Variants in EIF3E observed in about 807,000 individuals in gnomAD.
EIF3E encodes eukaryotic translation initiation factor 3 subunit E.
EIF3E carries 25 observed loss-of-function variants against 59.3 expected under a neutral mutation model. That is an observed-to-expected ratio of 0.42 (90% CI 0.31 to 0.59). The LOEUF (loss-of-function observed/expected upper bound fraction) is 0.59. Ranked by LOEUF, EIF3E falls within the 20% of genes least tolerant of loss-of-function variation. The pLI is 0.15. For synonymous variants in EIF3E, 176 were observed against 170.2 expected (o/e 1.03, Z -0.26); for missense variants, 317 against 534.3 (o/e 0.59, Z 4.01).
At chr8:108,236,693 T>C (rs1032764267) in intron 3 of EIF3E, among the ~76,000 whole-genome samples, 1 of 152,158 alleles carries the variant, frequency 6.6e-6, no homozygotes, top group African/African-American at 2.4e-5. Context: ...GTTAATATTT[T>C]TCAAAAGGAC....
chr8:108,229,979 A>T (rs1048265884), intron 5 of EIF3E, among the ~76,000 whole-genome samples: 14 of 152,092 alleles, frequency 9.2e-5, no homozygotes, highest in South Asian at 2.1e-4. Context: ...ATCCATAATG[A>T]CCAGGCTAAT....
intron 10 of EIF3E, among the ~76,000 whole-genome samples, chr8:108,212,117 T>C (rs1004052753): frequency 1.3e-5 from 2 of 152,206 alleles, no homozygotes; most frequent in Non-Finnish European, 2.9e-5. Flanking sequence ...ATGCAGTTGT[T>C]CTGAGTCAGT....
intron 1 of EIF3E, among the ~76,000 whole-genome samples, chr8:108,246,763 G>A (rs921050686): frequency 6.6e-6 from 1 of 152,044 alleles, no homozygotes; most frequent in African/African-American, 2.4e-5. Flanking sequence ...TGAAGACAAT[G>A]AAGACCTTCA....
chr8:108,204,466 T>G (rs1002771864), intron 10 of EIF3E, among the ~76,000 whole-genome samples: 1 of 151,860 alleles, frequency 6.6e-6, no homozygotes, highest in Non-Finnish European at 1.5e-5. Context: ...ACCAAAAACC[T>G]TATGTTCTCC....
chr8:108,243,551 C>G (rs1370308044), intron 1 of EIF3E: 1 of 150,086 alleles, frequency 6.7e-6, no homozygotes, highest in Non-Finnish European at 1.5e-5. Context: ...ATGACGTGAA[C>G]CCAGGAGGTG....
intron 3 of EIF3E, among the ~76,000 whole-genome samples, chr8:108,236,669 C>T (rs1316946376): frequency 3.3e-5 from 5 of 152,058 alleles, no homozygotes; most frequent in Non-Finnish European, 5.9e-5. Flanking sequence ...TATAAATGTC[C>T]CCTCCTCCAA....
At chr8:108,216,629 T>A (rs546860859) in intron 8 of EIF3E, 116 bp from the exon 9 acceptor site, 1 of 706,894 alleles carries the variant, frequency 1.4e-6, no homozygotes, top group East Asian at 3.0e-5. Context: ...TCTAGCCAAA[T>A]TACCTAGCAT....
intron 9 of EIF3E, among the ~76,000 whole-genome samples, chr8:108,216,183 A>G (rs1815299111): frequency 6.6e-6 from 1 of 152,232 alleles, no homozygotes; most frequent in Non-Finnish European, 1.5e-5. Context: ...TGGCAACAAC[A>G]TTAAAAAAGT....
chr8:108,229,210 A>T lies in EIF3E; in HGVS notation c.472-15T>A. ...GTTGCTGGAACCTGTTTAAGAAATC[A>T]TAATTAATTATATTGTGAATACTCT... On this transcript the variant is annotated splice_polypyrimidine_tract_variant and intron_variant, in intron 5 of 12. Coordinates refer to ENST00000220849, the MANE Select transcript of EIF3E (RefSeq NM_001568.3). 2 of 1,610,608 alleles carry T rather than the reference A, an allele frequency of 1.2e-6. No homozygotes were observed. The highest frequency in any genetic ancestry group is 1.7e-6 in the Non-Finnish European group (2 of 1,177,810).
intron 1 of EIF3E, among the ~76,000 whole-genome samples, chr8:108,243,638 GAAAAAAAAAA>G (rs779684560): frequency 9.9e-5 from 7 of 70,978 alleles, no homozygotes; most frequent in African/African-American, 1.4e-4. Flanking sequence ...CAAAAAAAAA[GAAAAAAAAAA>G]AAAAAAAAAA....
chr8:108,218,782 C>CTTTTTTTTTTTTTTTTTTTTTTTTCT (rs35642365), intron 7 of EIF3E, among the ~76,000 whole-genome samples: 1 of 111,124 alleles, frequency 9.0e-6, no homozygotes, highest in African/African-American at 3.5e-5. Context: ...TATTTTATTT[C>CTTTTTTTTTTTTTTTTTTTTTTTTCT]TTTTTTTTTT....
At chr8:108,207,592 C>A (rs1040972603) in intron 10 of EIF3E, among the ~76,000 whole-genome samples, 3 of 152,082 alleles carry the variant, frequency 2.0e-5, no homozygotes, top group African/African-American at 7.2e-5. Flanking sequence ...AGATTTTAAA[C>A]ACCCAAATTT....
intron 5 of EIF3E, among the ~76,000 whole-genome samples, chr8:108,231,351 T>C (rs989803568): frequency 6.6e-6 from 1 of 152,100 alleles, no homozygotes; most frequent in Admixed American, 6.6e-5. Flanking sequence ...TGCTTGAAGA[T>C]CAATATTAAA....
At chr8:108,235,162 A>T in intron 4 of EIF3E, 60 bp from the exon 5 acceptor site, 2 of 1,067,548 alleles carry the variant, frequency 1.9e-6, no homozygotes, top group Non-Finnish European at 2.6e-6. Flanking sequence ...ACCCCATTGT[A>T]ATTCATAAGT....
chr8:108,229,970 T>C (rs776107143), intron 5 of EIF3E, among the ~76,000 whole-genome samples: 3 of 151,794 alleles, frequency 2.0e-5, no homozygotes, highest in Non-Finnish European at 2.9e-5. Flanking sequence ...ACTCAAAACA[T>C]CCATAATGAC....
chr8:108,234,781 A>G lies in EIF3E; in HGVS notation c.471+217T>C, dbSNP rs1433498600. The G allele has an allele frequency of 8.8e-6, 3 of 340,196 alleles. No homozygotes were observed. In the Admixed American group the frequency reaches 1.4e-4, roughly 16 times the overall value. The allele number at this position is 340,196 out of a possible 1,614,324, so 21.1% of individuals were successfully genotyped here. A position where few individuals can be genotyped will look rare whatever the true frequency, so the allele number is the denominator to read the frequency against. Reference sequence around the variant, plus strand: ...TTGTTCCTACTTTTGGATTTCAAGGACAAGTTAAATCACCCTCCAAATTTT... The same window carrying G: ...TTGTTCCTACTTTTGGATTTCAAGGGCAAGTTAAATCACCCTCCAAATTTT... On this transcript the variant is annotated intron_variant, in intron 5 of 12. Coordinates refer to ENST00000220849, the MANE Select transcript of EIF3E (RefSeq NM_001568.3).
intron 1 of EIF3E, chr8:108,242,647 T>C: frequency 8.7e-7 from 1 of 1,153,296 alleles, no homozygotes; most frequent in Non-Finnish European, 1.1e-6. Flanking sequence ...CAAAGGGTAT[T>C]TAGCCATGAG....
chr8:108,233,714 G>A, intron 5 of EIF3E: 1 of 371,552 alleles, frequency 2.7e-6, no homozygotes, highest in Non-Finnish European at 5.4e-6. Context: ...GAGTGGTGAT[G>A]CACACTTGTA....
intron 7 of EIF3E, chr8:108,221,479 T>A (rs1048063629): frequency 6.6e-6 from 1 of 152,222 alleles, no homozygotes; most frequent in Non-Finnish European, 1.5e-5. Context: ...ATGTATATTA[T>A]TAGCTTACCT....
Sources: gnomAD v4.1 joint callset for allele counts (sites outside exome capture counted in the v4.1 genomes callset) on GRCh38, gnomAD v4.1.1 for gene constraint, MANE v1.5 for transcripts, NCBI Gene and HGNC (gene_info 2026-07-23, HGNC 2026-07-21) for gene names.